CECR2: variants seen among roughly 807,000 people sequenced by gnomAD.
CECR2 encodes CECR2 histone acetyl-lysine reader.
A neutral mutation model predicts 154.5 loss-of-function variants in CECR2; 30 were observed. The observed-to-expected ratio is 0.19, with a 90% CI of 0.15 to 0.26. The LOEUF is 0.26. Ranked by LOEUF, CECR2 falls within the 10% of genes least tolerant of loss-of-function variation. CECR2 has a pLI of 1.00. For missense variants in CECR2, 1,743 were observed against 1,829.3 expected (o/e 0.95, Z 0.86); for synonymous variants, 725 against 683.7 (o/e 1.06, Z -0.94).
intron 1 of CECR2, among the ~76,000 whole-genome samples, chr22:17,456,404 TTGGAATCAATTTTGTTTTTCTCAAAG>T (rs1430323091): frequency 6.6e-6 from 1 of 152,178 alleles, no homozygotes; most frequent in Non-Finnish European, 1.5e-5. Context: ...ATTAAATTTG[TTGGAATCAATTTTGTTTTTCTCAAAG>T]TGATCTACTT....
intron 7 of CECR2, 98 bp from the exon 8 acceptor site, chr22:17,511,715 T>A: frequency 1.0e-6 from 1 of 1,000,942 alleles, no homozygotes; most frequent in Non-Finnish European, 1.5e-6. Flanking sequence ...TGTGCCTCAT[T>A]GGCCACTTTT....
At chr22:17,369,340 C>G (rs2063025874), upstream of CECR2, 1 of 151,474 alleles carries the variant, frequency 6.6e-6, no homozygotes, top group African/African-American at 2.4e-5. Context: ...GGCGGTGCAG[C>G]TGTCCGGGCG....
rs116909880 is a variant in CECR2, at chr22:17,479,385, G to C, written c.221+1703G>C. Among the ~76,000 whole-genome samples, 623 of 152,306 alleles carry C rather than the reference G, an allele frequency of 4.1e-3. 15 individuals are homozygous for C. In the East Asian group the frequency reaches 0.078, roughly 19 times the overall value. ...CAGATCTCTTAGAGTTCACAGTTGT[G>C]ACAGGGAGGTCCATGAATCATTACA... is the stretch of plus-strand genomic sequence containing the variant. On this transcript the variant is annotated intron_variant, in intron 2 of 18. Transcript: ENST00000262608.
chr22:17,455,891 C>G (rs1303689339), intron 1 of CECR2, among the ~76,000 whole-genome samples: 1 of 152,104 alleles, frequency 6.6e-6, no homozygotes, highest in Non-Finnish European at 1.5e-5. Context: ...TGCCCAGCCC[C>G]AAACAGCACA....
intron 1 of CECR2, among the ~76,000 whole-genome samples, chr22:17,454,113 G>T (rs1224106056): frequency 6.6e-6 from 1 of 152,198 alleles, no homozygotes; most frequent in Admixed American, 6.5e-5. Context: ...TTAGCACAGT[G>T]TGTAGCACAT....
At chr22:17,449,770 T>A (rs1325283748) in intron 1 of CECR2, among the ~76,000 whole-genome samples, 1 of 152,144 alleles carries the variant, frequency 6.6e-6, no homozygotes, top group Non-Finnish European at 1.5e-5. Flanking sequence ...ATTACAGGCG[T>A]GAGCCACCAC....
At position 17,557,145 on chromosome 22, in the gene CECR2, C is replaced by CTTTTTTTTTTTTTTTT. The variant is rs695763; in HGVS notation, c.*4310_*4325dup. The CTTTTTTTTTTTTTTTT allele has an allele frequency of 1.2e-4, 13 of 106,532 alleles. 2 individuals carry two copies. Among genetic ancestry groups the CTTTTTTTTTTTTTTTT allele is most frequent in the Admixed American group, 2.2e-4 (2 of 8,896 alleles). The allele number at this position is 106,532 out of a possible 1,614,324, so 6.6% of individuals were successfully genotyped here. ...TACTGCATCCCGTTTTTTTTCTTTT[C>CTTTTTTTTTTTTTTTT]TTTTTTTTTTTTTTTTTTTTGAGAC... On this transcript the variant is annotated 3_prime_UTR_variant, in exon 19 of 19. Transcript: ENST00000262608.
At chr22:17,462,935 T>C (rs2054966084) in intron 1 of CECR2, among the ~76,000 whole-genome samples, 1 of 152,162 alleles carries the variant, frequency 6.6e-6, no homozygotes, top group African/African-American at 2.4e-5. Context: ...AAATACTCAC[T>C]GTGGGCAAAT....
At chr22:17,488,148 G>T (rs1313566813) in intron 2 of CECR2, among the ~76,000 whole-genome samples, 1 of 152,154 alleles carries the variant, frequency 6.6e-6, no homozygotes, top group Non-Finnish European at 1.5e-5. Context: ...CTCCCAAAGT[G>T]CTGGGATTAC....
intron 8 of CECR2, among the ~76,000 whole-genome samples, chr22:17,522,780 G>A (rs572772958): frequency 4.6e-5 from 7 of 151,712 alleles, no homozygotes; most frequent in Admixed American, 1.3e-4. Context: ...TGAGGTGGGC[G>A]GATCACCTGA....
upstream of CECR2, among the ~76,000 whole-genome samples, chr22:17,365,985 A>C (rs190135580): frequency 2.0e-5 from 3 of 152,338 alleles, no homozygotes; most frequent in African/African-American, 7.2e-5. Context: ...ATATTAATGA[A>C]TAAGCAAAAC....
chr22:17,469,404 A>G (rs1196613681), intron 1 of CECR2, among the ~76,000 whole-genome samples: 2 of 152,078 alleles, frequency 1.3e-5, no homozygotes. Context: ...AGGAGTTGAG[A>G]ATTAGAAGGG....
intron 13 of CECR2, among the ~76,000 whole-genome samples, chr22:17,539,424 T>C (rs2056487162): frequency 6.6e-6 from 1 of 152,136 alleles, no homozygotes; most frequent in Admixed American, 6.6e-5. Context: ...GAGCTGACTC[T>C]TCAACCATCT....
chr22:17,537,840 T>TA (rs879720677), intron 10 of CECR2, among the ~76,000 whole-genome samples: 56 of 151,834 alleles, frequency 3.7e-4, no homozygotes, highest in Non-Finnish European at 7.4e-4. Flanking sequence ...ATAAAAATTT[T>TA]AAAAAAAATT....
At chr22:17,527,978 G>A (rs1296782) in intron 9 of CECR2, among the ~76,000 whole-genome samples, 34,908 of 151,950 alleles carry the variant, frequency 0.23, 4,376 homozygotes, top group African/African-American at 0.32. Context: ...TTAGTCCCCC[G>A]CTATGGAGAA....
rs550900387 is a variant in CECR2, at chr22:17,467,455, C to G, written c.127-10133C>G. Among the ~76,000 whole-genome samples the G allele has an allele frequency of 3.2e-4, 48 of 152,230 alleles. No individual in the cohort carries two copies. In the South Asian group the frequency reaches 9.6e-3, roughly 30 times the overall value. ...CAGTGCTTACTTCCCGAGCAGATTC[C>G]TCAATCTGGCTGATAATCAGATTCA... On this transcript the variant is annotated intron_variant, in intron 1 of 18. Coordinates refer to ENST00000262608, the MANE Select transcript of CECR2 (RefSeq NM_001290047.2).
chr22:17,374,661 TG>T (rs2063097708), intron 1 of CECR2, among the ~76,000 whole-genome samples: 1 of 152,174 alleles, frequency 6.6e-6, no homozygotes, highest in Non-Finnish European at 1.5e-5. Context: ...TTAGGAAACT[TG>T]TATTCTGATT....
At chr22:17,466,738 G>A (rs2055039244) in intron 1 of CECR2, among the ~76,000 whole-genome samples, 1 of 152,040 alleles carries the variant, frequency 6.6e-6, no homozygotes. Flanking sequence ...GGGATTACAG[G>A]CGCGTGCCAC....
At chr22:17,372,527 C>T (rs2146442014) in intron 1 of CECR2, among the ~76,000 whole-genome samples, 1 of 152,100 alleles carries the variant, frequency 6.6e-6, no homozygotes, top group East Asian at 1.9e-4. Context: ...GTTAGCCAGG[C>T]ATGGTGGCGC....
Sources: gnomAD v4.1 joint callset for allele counts (sites outside exome capture counted in the v4.1 genomes callset) on GRCh38, gnomAD v4.1.1 for gene constraint, MANE v1.5 for transcripts, NCBI Gene and HGNC (gene_info 2026-07-23, HGNC 2026-07-21) for gene names.